The following TACC2 variants were observed in gnomAD, a reference collection of about 807,000 sequenced individuals.
The protein encoded by TACC2 is transforming acidic coiled-coil-containing protein 2.
In TACC2, 137 loss-of-function variants were observed where a neutral mutation model predicts 227.3. The ratio of observed to expected loss-of-function variants is 0.60; its 90% CI spans 0.52 to 0.69. The LOEUF (loss-of-function observed/expected upper bound fraction) is 0.69. Among genes scored for constraint, TACC2 ranks in the 30% least tolerant of loss-of-function variants. TACC2 has a pLI of 0.00. For synonymous variants in TACC2, 1,523 were observed against 1,487.5 expected (o/e 1.02, Z -0.55); for missense variants, 3,470 against 3,694.4 (o/e 0.94, Z 1.57).
At chr10:122,019,546 C>T (rs1356801544) in intron 1 of TACC2, among the ~76,000 whole-genome samples, 1 of 152,188 alleles carries the variant, frequency 6.6e-6, no homozygotes, top group African/African-American at 2.4e-5. Context: ...TGGCAGGGGC[C>T]GCTTTAGTTT....
intron 22 of TACC2, among the ~76,000 whole-genome samples, chr10:122,250,509 G>A (rs191528223): frequency 4.6e-5 from 7 of 152,148 alleles, no homozygotes; most frequent in Admixed American, 6.5e-5. Flanking sequence ...CTCTACTACC[G>A]CAGGAGCACC....
intron 6 of TACC2, among the ~76,000 whole-genome samples, chr10:122,133,300 C>T (rs1351723658): frequency 6.6e-6 from 1 of 152,162 alleles, no homozygotes; most frequent in Non-Finnish European, 1.5e-5. Flanking sequence ...AGCAACCCCA[C>T]ACTGATCACG....
chr10:122,099,137 C>T (rs1439909694), intron 5 of TACC2, among the ~76,000 whole-genome samples: 3 of 152,182 alleles, frequency 2.0e-5, no homozygotes, highest in Non-Finnish European at 4.4e-5. Context: ...TTCCAAACCC[C>T]TAGAGGAAAG....
intron 8 of TACC2, among the ~76,000 whole-genome samples, chr10:122,207,209 G>C (rs1270165849): frequency 6.6e-6 from 1 of 151,868 alleles, no homozygotes; most frequent in East Asian, 1.9e-4. Flanking sequence ...TCAGACAAGA[G>C]AATCACTTCA....
At chr10:122,133,337 T>G (rs904985601) in intron 6 of TACC2, among the ~76,000 whole-genome samples, 2 of 152,176 alleles carry the variant, frequency 1.3e-5, no homozygotes, top group African/African-American at 4.8e-5. Context: ...GTGCTTGGCC[T>G]GGATTCAGGC....
intron 9 of TACC2, among the ~76,000 whole-genome samples, chr10:122,213,125 G>A (rs997901220): frequency 7.2e-5 from 11 of 152,206 alleles, no homozygotes; most frequent in Non-Finnish European, 1.3e-4. Context: ...AAGACCCTGC[G>A]TGGGTCTGAC....
Position 122,180,115 on chromosome 10 carries a change from A to G in TACC2, c.5835-14925A>G, listed in dbSNP as rs2093917997. ...AAACAGGCGAGTCCTTTCCCCGTGTAACCCTCAGTGGCTTTCAGACTCCTC... is the reference window on the plus strand; with the variant it reads ...AAACAGGCGAGTCCTTTCCCCGTGTGACCCTCAGTGGCTTTCAGACTCCTC... On this transcript the variant is annotated intron_variant, in intron 7 of 22. Coordinates refer to ENST00000369005, the MANE Select transcript of TACC2 (RefSeq NM_206862.4). This position sits in a 1 kb window ranked among gnomAD's most constrained non-coding sequence, Gnocchi z 4.5. Among the ~76,000 whole-genome samples, 1 of 151,566 alleles carries G rather than the reference A, an allele frequency of 6.6e-6. No individual in the cohort carries two copies. The highest frequency in any genetic ancestry group is 2.4e-5 in the African/African-American group (1 of 41,260).
At position 122,036,905 on chromosome 10, in the gene TACC2, A is replaced by G. The variant is rs139696141; in HGVS notation, c.34-13533A>G. ...CATTTTACATTTCCACTAGCAATAT[A>G]CTAATGTTCCAATTTCTCTACATCC... On this transcript the variant is annotated intron_variant, in intron 2 of 22. Coordinates refer to ENST00000369005, the MANE Select transcript of TACC2 (RefSeq NM_206862.4). Among the ~76,000 whole-genome samples, 415 of 152,350 alleles carry G rather than the reference A, an allele frequency of 2.7e-3. 2 individuals carry two copies. Among genetic ancestry groups the G allele is most frequent in the Non-Finnish European group, 4.7e-3 (321 of 68,026 alleles).
intron 7 of TACC2, among the ~76,000 whole-genome samples, chr10:122,155,566 G>A (rs1265663314): frequency 2.6e-5 from 4 of 152,202 alleles, no homozygotes; most frequent in South Asian, 4.1e-4. Flanking sequence ...TGGCTTAGGT[G>A]AGGGTGTTGG....
chr10:122,055,840 G>A (rs1180322345), intron 3 of TACC2, among the ~76,000 whole-genome samples: 1 of 152,244 alleles, frequency 6.6e-6, no homozygotes, highest in Non-Finnish European at 1.5e-5. Flanking sequence ...GCGGGCAATA[G>A]GGTTAACTTC....
chr10:122,100,832 G>A (rs1478490633), intron 5 of TACC2, among the ~76,000 whole-genome samples: 2 of 152,234 alleles, frequency 1.3e-5, no homozygotes, highest in Admixed American at 1.3e-4. Flanking sequence ...AGGAACTCCA[G>A]TGTGGCTGAG....
intron 8 of TACC2, among the ~76,000 whole-genome samples, chr10:122,207,884 G>A (rs1441141847): frequency 6.6e-6 from 1 of 152,134 alleles, no homozygotes; most frequent in African/African-American, 2.4e-5. Context: ...CCTTGACGAC[G>A]GGATAGGCTG....
At chr10:122,143,008 C>T (rs931111803) in intron 6 of TACC2, among the ~76,000 whole-genome samples, 7 of 152,178 alleles carry the variant, frequency 4.6e-5, no homozygotes, top group East Asian at 1.9e-4. Context: ...AGGGGGCACT[C>T]GTTCCCTACT....
chr10:122,146,878 T>C (rs1211228427), intron 7 of TACC2, among the ~76,000 whole-genome samples: 2 of 152,200 alleles, frequency 1.3e-5, no homozygotes, highest in African/African-American at 4.8e-5. Context: ...TGTGGCTGTT[T>C]CTTCTTAGAC....
rs1392632922 is a variant in TACC2, at chr10:122,087,582, G to T, written c.5082G>T (p.Glu1694Asp). ...PTGEVADTPL[E>D]PGKVAGAAGE... ...GAGAAGTGGCAGACACTCCCCTGGA[G>T]CCTGGCAAGGTGGCAGGCGCTGCTG... The change falls in exon 4 of 23, where the codon GAG becomes GAT. Residue 1694 changes from glutamate to aspartate, a missense_variant. By Grantham distance (45) the Glu-to-Asp change is conservative. This residue lies in a region of TACC2 where 1,924 missense variants were observed against 1,978.3 expected (regional missense o/e 0.97). Transcript: ENST00000369005. 5 of 1,613,702 alleles carry T rather than the reference G, an allele frequency of 3.1e-6. No homozygotes were observed. In the East Asian group the frequency reaches 1.1e-4, roughly 36 times the overall value.
At chr10:122,115,370 G>A (rs1348272372) in intron 5 of TACC2, among the ~76,000 whole-genome samples, 5 of 152,108 alleles carry the variant, frequency 3.3e-5, no homozygotes, top group African/African-American at 1.2e-4. Context: ...GAAGGATAAT[G>A]CCCCAGGAGG....
intron 5 of TACC2, among the ~76,000 whole-genome samples, chr10:122,131,177 CAAAA>C (rs10572276): frequency 9.4e-5 from 9 of 95,262 alleles, no homozygotes; most frequent in Admixed American, 1.2e-4. Context: ...GACGCTTTCT[CAAAA>C]AAAAAAAAAA....
intron 3 of TACC2, among the ~76,000 whole-genome samples, chr10:122,059,808 T>G (rs2076599764): frequency 6.8e-6 from 1 of 146,676 alleles, no homozygotes; most frequent in Non-Finnish European, 1.5e-5. Flanking sequence ...GTGGCTACTT[T>G]AGATTAGACC....
At chr10:122,008,264 A>ATTATTATTTTTTTTTTTTT in intron 1 of TACC2, among the ~76,000 whole-genome samples, 1 of 134,650 alleles carries the variant, frequency 7.4e-6, no homozygotes, top group African/African-American at 2.8e-5. Context: ...TATTATTATT[A>ATTATTATTTTTTTTTTTTT]TTTTTTTTTT....
Sources: allele counts gnomAD v4.1 joint callset (sites outside exome capture counted in the v4.1 genomes callset), GRCh38; gene constraint gnomAD v4.1.1; regional missense constraint gnomAD v4.1.1; non-coding constraint Gnocchi (gnomAD v3.1); transcripts MANE v1.5; gene names NCBI Gene and HGNC (gene_info 2026-07-23, HGNC 2026-07-21).